CSMD3: variants seen among roughly 807,000 people sequenced by gnomAD.
CSMD3 encodes the protein CUB and sushi domain-containing protein 3.
Under a neutral mutation model 435.2 loss-of-function variants are expected in CSMD3, and 177 were observed. The ratio of observed to expected loss-of-function variants is 0.41; its 90% CI spans 0.36 to 0.46. CSMD3 has a LOEUF of 0.46. CSMD3 is among the 20% of genes least tolerant of loss of function. The pLI is 0.34. For synonymous variants in CSMD3, 1,656 were observed against 1,520.5 expected, an observed-to-expected ratio of 1.09 and a Z score of -2.07; for missense variants, 4,265 against 4,504.6, an observed-to-expected ratio of 0.95 and a Z score of 1.52.
At chr8:112,841,900 G>T (rs985292990) in intron 11 of CSMD3, among the ~76,000 whole-genome samples, 1 of 151,784 alleles carries the variant, frequency 6.6e-6, no homozygotes, top group African/African-American at 2.4e-5. Context: ...ATTCAAAGCA[G>T]ATATGTAATA....
At chr8:113,188,699 A>G (rs1263500158) in intron 3 of CSMD3, among the ~76,000 whole-genome samples, 1 of 151,976 alleles carries the variant, frequency 6.6e-6, no homozygotes, top group African/African-American at 2.4e-5. Flanking sequence ...TGACCTTAAC[A>G]TTAGACAATG....
At chr8:112,753,583 G>C (rs1020744548) in intron 13 of CSMD3, among the ~76,000 whole-genome samples, 2 of 152,152 alleles carry the variant, frequency 1.3e-5, no homozygotes, top group Non-Finnish European at 2.9e-5. Context: ...TATATGCCAG[G>C]AGTTCTTCCT....
At chr8:113,363,549 G>T (rs2094291866) in intron 1 of CSMD3, among the ~76,000 whole-genome samples, 1 of 152,140 alleles carries the variant, frequency 6.6e-6, no homozygotes. Context: ...TCTAGTGAAG[G>T]AGTTCCCTAA....
chr8:113,423,329 G>C (rs1033516258), intron 1 of CSMD3, among the ~76,000 whole-genome samples: 1 of 151,904 alleles, frequency 6.6e-6, no homozygotes, highest in African/African-American at 2.4e-5. Flanking sequence ...ATCATTCTTG[G>C]CTGGTGTACC....
intron 1 of CSMD3, among the ~76,000 whole-genome samples, chr8:113,380,043 C>T (rs1461021158): frequency 1.3e-5 from 2 of 152,148 alleles, no homozygotes; most frequent in Non-Finnish European, 2.9e-5. Flanking sequence ...TTGAAAAAGG[C>T]AAACTTGCCC....
At chr8:113,303,002 C>A (rs1487785152) in intron 2 of CSMD3, among the ~76,000 whole-genome samples, 2 of 89,660 alleles carry the variant, frequency 2.2e-5, no homozygotes, top group African/African-American at 9.5e-5. Context: ...GATTGTTTAT[C>A]TAGAAAACCC....
At chr8:112,385,356 A>T (rs138077215) in intron 36 of CSMD3, among the ~76,000 whole-genome samples, 1 of 152,300 alleles carries the variant, frequency 6.6e-6, no homozygotes, top group East Asian at 1.9e-4. Context: ...TGCATGTAGT[A>T]AAGACTCAAT....
intron 13 of CSMD3, among the ~76,000 whole-genome samples, chr8:112,751,185 C>T (rs529674243): frequency 6.6e-6 from 1 of 152,202 alleles, no homozygotes; most frequent in Non-Finnish European, 1.5e-5. Flanking sequence ...TCCATTAAAC[C>T]TCTTTCCTTT....
At chr8:112,481,623 C>T (rs78112843) in intron 31 of CSMD3, among the ~76,000 whole-genome samples, 1 of 152,090 alleles carries the variant, frequency 6.6e-6, no homozygotes, top group East Asian at 1.9e-4. Context: ...TAGTAAATTA[C>T]TTATGCATTG....
Position 112,829,719 on chromosome 8 carries a change from C to T in CSMD3, c.1826G>A (p.Gly609Asp), listed in dbSNP as rs776185212. The T allele has an allele frequency of 3.7e-6, 6 of 1,612,552 alleles. No individual in the cohort carries two copies. The African/African-American group carries it at 4.0e-5, about 11-fold the overall frequency. Residue 609 changes from glycine (G) to aspartate (D), a missense_variant, in exon 12 of 71, where the codon GGC (glycine) becomes GAC (aspartate). Physicochemically the swap from Gly to Asp is moderately conservative, Grantham distance 94. This residue lies in a region of CSMD3 where 731 missense variants were observed against 755.4 expected (regional missense o/e 0.97). Transcript: ENST00000297405. ...CACTGTCCTAGGATCTCCAACTTCG[C>T]CCCCATCGCCAATTGTCAAGGTATC... ...GYDTLTIGDG[G>D]EVGDPRTVLQ...
At chr8:112,393,475 T>C (rs989181702) in intron 35 of CSMD3, among the ~76,000 whole-genome samples, 6 of 152,216 alleles carry the variant, frequency 3.9e-5, no homozygotes, top group African/African-American at 1.4e-4. Flanking sequence ...TACAATTTTA[T>C]CATACTATGC....
chr8:112,424,063 G>GA (rs1301772217), intron 32 of CSMD3, among the ~76,000 whole-genome samples: 8 of 152,106 alleles, frequency 5.3e-5, no homozygotes, highest in African/African-American at 1.9e-4. Context: ...GAAGCTGTGT[G>GA]AAAAATGTTT....
chr8:112,902,016 T>C (rs747964761), intron 10 of CSMD3, among the ~76,000 whole-genome samples: 3 of 151,442 alleles, frequency 2.0e-5, no homozygotes, highest in Admixed American at 6.6e-5. Flanking sequence ...TGAATGCCCA[T>C]ATAATGTCAA....
intron 3 of CSMD3, among the ~76,000 whole-genome samples, chr8:113,194,364 C>CAAA: frequency 6.6e-6 from 1 of 151,094 alleles, no homozygotes; most frequent in African/African-American, 2.4e-5. Flanking sequence ...AGAGTGTACT[C>CAAA]AACAAACAAA....
intron 5 of CSMD3, among the ~76,000 whole-genome samples, chr8:113,035,471 T>C (rs1407216232): frequency 6.6e-6 from 1 of 151,930 alleles, no homozygotes; most frequent in East Asian, 1.9e-4. Context: ...ATCAGAACAG[T>C]AGTTGCTGAG....
intron 1 of CSMD3, among the ~76,000 whole-genome samples, chr8:113,384,494 A>G (rs1248414884): frequency 6.6e-6 from 1 of 152,178 alleles, no homozygotes; most frequent in African/African-American, 2.4e-5. Context: ...GAGGTGTCAG[A>G]TAGGAAATAA....
intron 13 of CSMD3, among the ~76,000 whole-genome samples, chr8:112,725,118 T>C (rs1302393584): frequency 6.6e-6 from 1 of 151,958 alleles, no homozygotes. Flanking sequence ...AAAAAATATA[T>C]GGCAATAACT....
chr8:112,494,801 C>A (rs1300271871), intron 30 of CSMD3, among the ~76,000 whole-genome samples: 1 of 152,000 alleles, frequency 6.6e-6, no homozygotes, highest in Non-Finnish European at 1.5e-5. Flanking sequence ...GAATAAGGAA[C>A]AGATTAGGTA....
chr8:112,401,243 C>T (rs1464935368), intron 35 of CSMD3, among the ~76,000 whole-genome samples: 1 of 151,952 alleles, frequency 6.6e-6, no homozygotes, highest in Non-Finnish European at 1.5e-5. Context: ...TTTATAGTCT[C>T]ATATTCTCTA....
Sources: allele counts gnomAD v4.1 joint callset (sites outside exome capture counted in the v4.1 genomes callset), GRCh38; gene constraint gnomAD v4.1.1; regional missense constraint gnomAD v4.1.1; transcripts MANE v1.5; gene names NCBI Gene and HGNC (gene_info 2026-07-23, HGNC 2026-07-21).